The following ARL15 variants were observed in gnomAD, a reference collection of about 807,000 sequenced individuals.
ARL15 encodes ARF like GTPase 15.
A neutral mutation model predicts 25.2 loss-of-function variants in ARL15; 19 were observed. The observed-to-expected ratio is 0.75, with a 90% CI of 0.53 to 1.10. The LOEUF (loss-of-function observed/expected upper bound fraction) is 1.10. ARL15 is among the 50% of genes least tolerant of loss of function. The pLI, the probability that ARL15 is intolerant of heterozygous loss-of-function variation, is 0.00. For synonymous variants in ARL15, 94 were observed against 86.8 expected, an observed-to-expected ratio of 1.08 and a Z score of -0.46; for missense variants, 220 against 246.0, an observed-to-expected ratio of 0.89 and a Z score of 0.71.
At chr5:54,092,692 G>T (rs890402615) in intron 4 of ARL15, among the ~76,000 whole-genome samples, 3 of 152,036 alleles carry the variant, frequency 2.0e-5, no homozygotes, top group Admixed American at 1.3e-4. Flanking sequence ...AAATCACCAG[G>T]GCACCAAGCC....
At chr5:54,263,271 C>T (rs779335777) in intron 1 of ARL15, among the ~76,000 whole-genome samples, 2 of 151,964 alleles carry the variant, frequency 1.3e-5, no homozygotes, top group Middle Eastern at 3.4e-3. Context: ...GCATCTTGAA[C>T]CTGTGCAGAT....
intron 3 of ARL15, among the ~76,000 whole-genome samples, chr5:54,113,935 G>A (rs1420705606): frequency 6.6e-6 from 1 of 152,120 alleles, no homozygotes; most frequent in Non-Finnish European, 1.5e-5. Context: ...ATAGCTTTAT[G>A]TGTCAAAGTG....
chr5:54,211,454 C>T (rs941852641), intron 1 of ARL15, among the ~76,000 whole-genome samples: 4 of 145,712 alleles, frequency 2.7e-5, no homozygotes. Context: ...TTAGGCAGCG[C>T]TTAAATGAAA....
chr5:54,013,055 C>A (rs981439425), intron 4 of ARL15, among the ~76,000 whole-genome samples: 2 of 152,160 alleles, frequency 1.3e-5, no homozygotes, highest in African/African-American at 2.4e-5. Flanking sequence ...CCACCTCAGC[C>A]TCCCAAAGTG....
intron 4 of ARL15, among the ~76,000 whole-genome samples, chr5:53,976,472 A>G (rs1747927778): frequency 6.6e-6 from 1 of 152,170 alleles, no homozygotes; most frequent in South Asian, 2.1e-4. Flanking sequence ...CTTTTATACT[A>G]ATGGATATGG....
Position 53,990,680 on chromosome 5 carries a change from C to G in ARL15, c.463-103967G>C, listed in dbSNP as rs1376335308. ...GAAACAGATGCACCTTGTTTAAAAC[C>G]AAAGTTGTGTTTCTGAAGAAAGCTG... On this transcript the variant is annotated intron_variant, in intron 4 of 4. Coordinates refer to ENST00000504924, the MANE Select transcript of ARL15 (RefSeq NM_019087.3). Among the ~76,000 whole-genome samples the G allele has an allele frequency of 1.1e-4, 17 of 152,246 alleles. 1 individual carries two copies. The highest frequency in any genetic ancestry group is 1.0e-3 in the Admixed American group (16 of 15,306).
intron 4 of ARL15, among the ~76,000 whole-genome samples, chr5:53,912,500 C>G (rs947767850): frequency 3.3e-5 from 5 of 152,186 alleles, no homozygotes; most frequent in African/African-American, 9.7e-5. Flanking sequence ...CCTTAAAACT[C>G]AGTCCACATC....
intron 4 of ARL15, among the ~76,000 whole-genome samples, chr5:54,030,901 G>A (rs390420): frequency 0.3 from 46,120 of 151,816 alleles, 7,932 homozygotes; most frequent in African/African-American, 0.46. Flanking sequence ...AATGATGGTT[G>A]AAAAGATTAG....
chr5:54,091,059 T>C (rs1561220397), intron 4 of ARL15, among the ~76,000 whole-genome samples: 1 of 152,218 alleles, frequency 6.6e-6, no homozygotes, highest in Non-Finnish European at 1.5e-5. Context: ...ACCAGAGGAA[T>C]CTACTTTCAC....
intron 1 of ARL15, among the ~76,000 whole-genome samples, chr5:54,273,944 C>T (rs1373492333): frequency 6.6e-6 from 1 of 152,148 alleles, no homozygotes; most frequent in Non-Finnish European, 1.5e-5. Context: ...GCAATAGATG[C>T]ACTTTGGCTG....
intron 1 of ARL15, among the ~76,000 whole-genome samples, chr5:54,234,918 C>A (rs1302915563): frequency 6.6e-6 from 1 of 152,096 alleles, no homozygotes; most frequent in Admixed American, 6.5e-5. Context: ...AAATGTGAAA[C>A]CAAATCTAGT....
At chr5:54,211,901 T>TAACCAGA (rs1258822683) in intron 1 of ARL15, among the ~76,000 whole-genome samples, 1 of 152,192 alleles carries the variant, frequency 6.6e-6, no homozygotes, top group Non-Finnish European at 1.5e-5. Flanking sequence ...CACACCTACT[T>TAACCAGA]AACCAGAAAA....
rs557115258 is a variant in ARL15 at position 54,217,447 on chromosome 5, G to A, written c.49-45519C>T. Among the ~76,000 whole-genome samples the A allele has an allele frequency of 3.3e-5, 5 of 152,026 alleles. No individual in the cohort carries two copies. The South Asian group carries it at 6.2e-4, about 19-fold the overall frequency. On this transcript the variant is annotated intron_variant, in intron 1 of 4. Coordinates refer to ENST00000504924, the MANE Select transcript of ARL15 (RefSeq NM_019087.3). ...AGCAGCCTATTTTTCTGTAATGCAT[G>A]TTCCTAAGGGACCTGCAAAAAACTA... is the stretch of plus-strand genomic sequence containing the variant.
intron 3 of ARL15, among the ~76,000 whole-genome samples, chr5:54,120,885 C>G (rs923968415): frequency 6.6e-6 from 1 of 152,142 alleles, no homozygotes; most frequent in South Asian, 2.1e-4. Context: ...TTTAATAATG[C>G]GGAAATGCTA....
intron 1 of ARL15, among the ~76,000 whole-genome samples, chr5:54,302,683 A>ATTTGT (rs1758645403): frequency 1.3e-5 from 1 of 77,850 alleles, no homozygotes; most frequent in African/African-American, 5.1e-5. Context: ...TAAAATTAAG[A>ATTTGT]TTTTTTTTTT....
chr5:54,223,080 G>C (rs1261562521), intron 1 of ARL15, among the ~76,000 whole-genome samples: 3 of 150,686 alleles, frequency 2.0e-5, no homozygotes, highest in Non-Finnish European at 4.4e-5. Flanking sequence ...CCTCGGCAAG[G>C]AGACAAGTTA....
chr5:54,128,683 T>C (rs898332288), intron 3 of ARL15, among the ~76,000 whole-genome samples: 2 of 151,150 alleles, frequency 1.3e-5, no homozygotes, highest in Non-Finnish European at 2.9e-5. Context: ...ACACAAGTAT[T>C]TCCTATATTT....
rs529277522 is a variant in ARL15 at position 54,095,817 on chromosome 5, T to TA, written c.462+17384dup. Among the ~76,000 whole-genome samples the TA allele has an allele frequency of 4.1e-3, 604 of 147,110 alleles. 4 individuals carry two copies. The highest frequency in any genetic ancestry group is 0.015 in the South Asian group (70 of 4,650). On this transcript the variant is annotated intron_variant, in intron 4 of 4. Coordinates refer to ENST00000504924, the MANE Select transcript of ARL15 (RefSeq NM_019087.3). ...GGGCCTGTCCAAGTAGCAAAAAACA[T>TA]AAAAAAAACATCCAAAGAGAAAAAA...
chr5:54,144,954 C>T (rs1753864555), intron 3 of ARL15, among the ~76,000 whole-genome samples: 1 of 152,158 alleles, frequency 6.6e-6, no homozygotes, highest in Admixed American at 6.6e-5. Flanking sequence ...ATTAATAATC[C>T]TGACGAATTC....
Sources: allele counts gnomAD v4.1 joint callset (sites outside exome capture counted in the v4.1 genomes callset), GRCh38; gene constraint gnomAD v4.1.1; transcripts MANE v1.5; gene names NCBI Gene and HGNC (gene_info 2026-07-23, HGNC 2026-07-21).